The following STARD13 variants were observed in gnomAD, a reference collection of about 807,000 sequenced individuals.
STARD13 encodes the protein StAR related lipid transfer domain containing 13.
A neutral mutation model predicts 106.4 loss-of-function variants in STARD13; 62 were observed. That is an observed-to-expected ratio of 0.58 (90% confidence interval 0.48 to 0.72). The LOEUF is 0.72. Among genes scored for constraint, STARD13 ranks in the 30% least tolerant of loss-of-function variants. The pLI, the probability that STARD13 is intolerant of heterozygous loss-of-function variation, is 0.00. For missense variants in STARD13, 1,387 were observed against 1,424.0 expected (o/e 0.97, Z 0.42); for synonymous variants, 565 against 553.0 (o/e 1.02, Z -0.31).
the STARD13 span, among the ~76,000 whole-genome samples, chr13:33,414,991 T>C: frequency 3.3e-5 from 5 of 152,210 alleles, no homozygotes; most frequent in Non-Finnish European, 5.9e-5. Flanking sequence ...TTCCCTCTTT[T>C]TCTGTAATTT....
At chr13:33,439,678 C>T in the STARD13 span, 5 of 1,257,596 alleles carry the variant, frequency 4.0e-6, no homozygotes, top group East Asian at 2.2e-4. Context: ...AACATTTTCT[C>T]AGGGAGACTT....
At chr13:33,391,223 A>G in the STARD13 span, among the ~76,000 whole-genome samples, 1 of 152,174 alleles carries the variant, frequency 6.6e-6, no homozygotes, top group East Asian at 1.9e-4. Flanking sequence ...TGTGTGCTCT[A>G]GGTAGTGAAA....
the STARD13 span, among the ~76,000 whole-genome samples, chr13:33,399,466 G>A: frequency 2.0e-5 from 3 of 151,942 alleles, no homozygotes; most frequent in East Asian, 1.9e-4. Flanking sequence ...AGGCCGAGGC[G>A]GGTGGATCAC....
At chr13:33,330,517 G>C (rs1178021966) in intron 1 of STARD13, among the ~76,000 whole-genome samples, 2 of 152,012 alleles carry the variant, frequency 1.3e-5, no homozygotes, top group African/African-American at 4.8e-5. Context: ...GTCATTAATA[G>C]CTGTGAGCTC....
At chr13:33,605,179 C>T in the STARD13 span, among the ~76,000 whole-genome samples, 1 of 146,284 alleles carries the variant, frequency 6.8e-6, no homozygotes, top group Non-Finnish European at 1.5e-5. Flanking sequence ...TTTGAAGTTG[C>T]AGTGAGCCAT....
chr13:33,448,490 A>T, the STARD13 span, among the ~76,000 whole-genome samples: 1 of 152,060 alleles, frequency 6.6e-6, no homozygotes, highest in South Asian at 2.1e-4. Context: ...CTGTATTTTT[A>T]AGCTCATTCA....
intron 1 of STARD13, among the ~76,000 whole-genome samples, chr13:33,219,236 A>G (rs114710610): frequency 2.6e-4 from 40 of 152,094 alleles, no homozygotes; most frequent in African/African-American, 8.9e-4. Flanking sequence ...AAAGACACCA[A>G]TCTTTCTTTG....
the STARD13 span, among the ~76,000 whole-genome samples, chr13:33,443,312 G>A: frequency 2.6e-5 from 4 of 151,634 alleles, no homozygotes; most frequent in South Asian, 8.3e-4. Flanking sequence ...AGGAGGTGGA[G>A]CTTGCAGTGA....
chr13:33,450,889 T>C, the STARD13 span, among the ~76,000 whole-genome samples: 3 of 152,178 alleles, frequency 2.0e-5, no homozygotes, highest in African/African-American at 7.2e-5. Flanking sequence ...TGTTTTTGTA[T>C]GTTTTTTAAA....
At chr13:33,296,590 G>A (rs1205315000) in intron 1 of STARD13, among the ~76,000 whole-genome samples, 2 of 152,000 alleles carry the variant, frequency 1.3e-5, no homozygotes, top group Non-Finnish European at 2.9e-5. Flanking sequence ...CCAGCCCCTG[G>A]CAACCACCAT....
intron 3 of STARD13, among the ~76,000 whole-genome samples, chr13:33,148,765 C>A (rs1880878829): frequency 6.6e-6 from 1 of 152,196 alleles, no homozygotes; most frequent in African/African-American, 2.4e-5. Context: ...TGCAAACCTG[C>A]ACGTAGGTAT....
intron 12 of STARD13, among the ~76,000 whole-genome samples, chr13:33,107,922 C>T (rs1235430471): frequency 6.6e-6 from 1 of 152,060 alleles, no homozygotes; most frequent in Non-Finnish European, 1.5e-5. Context: ...TAAGTCATGT[C>T]CTCCATGATT....
At chr13:33,551,389 A>G in the STARD13 span, among the ~76,000 whole-genome samples, 1 of 152,034 alleles carries the variant, frequency 6.6e-6, no homozygotes, top group Non-Finnish European at 1.5e-5. Flanking sequence ...AGCACTCAAA[A>G]AGTTTTGGAT....
chr13:33,499,604 T>TTCTTCC, the STARD13 span, among the ~76,000 whole-genome samples: 14 of 39,890 alleles, frequency 3.5e-4, no homozygotes, highest in African/African-American at 6.4e-4. Context: ...CTTCTTCTTC[T>TTCTTCC]TTCTTCTTCT....
At chr13:33,299,687 T>C (rs1892637683) in intron 1 of STARD13, among the ~76,000 whole-genome samples, 1 of 152,204 alleles carries the variant, frequency 6.6e-6, no homozygotes, top group Admixed American at 6.6e-5. Flanking sequence ...ACTGTCCTTT[T>C]ACCATCGTGT....
exon 1 of STARD13, chr13:33,350,380 G>A (rs1594295454): frequency 6.5e-7 from 1 of 1,533,864 alleles, no homozygotes; most frequent in East Asian, 2.5e-5. Context: ...GATCTCCTGA[G>A]CTGCGTTTGG....
intron 1 of STARD13, among the ~76,000 whole-genome samples, chr13:33,219,516 C>T (rs1888224394): frequency 1.2e-5 from 1 of 81,480 alleles, no homozygotes; most frequent in South Asian, 4.8e-4. Context: ...GAGACTCCTT[C>T]TCAAAAAAAA....
chr13:33,454,993 C>A, the STARD13 span, among the ~76,000 whole-genome samples: 1 of 152,222 alleles, frequency 6.6e-6, no homozygotes, highest in Non-Finnish European at 1.5e-5. Flanking sequence ...ATATTCCCAA[C>A]TGTCCAGAAG....
chr13:33,504,875 C>T, the STARD13 span, among the ~76,000 whole-genome samples: 214 of 152,288 alleles, frequency 1.4e-3, no homozygotes, highest in Non-Finnish European at 2.2e-3. Context: ...AATTACACCA[C>T]GAAGATGGCA....
Sources: gnomAD v4.1 joint callset for allele counts (sites outside exome capture counted in the v4.1 genomes callset) on GRCh38, gnomAD v4.1.1 for gene constraint, MANE v1.5 for transcripts, NCBI Gene and HGNC (gene_info 2026-07-23, HGNC 2026-07-21) for gene names.